Variants in TF observed in about 807,000 individuals in gnomAD.
The protein encoded by TF is serotransferrin.
In TF, 55 loss-of-function variants were observed where a neutral mutation model predicts 82.4. The ratio of observed to expected loss-of-function variants is 0.67; its 90% CI spans 0.54 to 0.84. The LOEUF (loss-of-function observed/expected upper bound fraction) is 0.84, where lower values mean the gene tolerates loss of function less well. TF is among the 40% of genes least tolerant of loss of function. The probability of loss-of-function intolerance (pLI) is 0.00; values close to 1 mark genes in which losing one functional copy is unlikely to be tolerated. For missense variants in TF, 737 were observed against 868.4 expected (o/e 0.85, Z 1.90); for synonymous variants, 332 against 332.6 (o/e 1.00, Z 0.02).
rs1339514763 is a variant in TF at position 133,781,687 on chromosome 3, G to A, written c.*3067G>A. Reference sequence around the variant, plus strand: ...TGAGACAGATAAGAAAAATTCTGATGAGAGTGGAAGAGCTCTTCCAGCTGT... The same window carrying A: ...TGAGACAGATAAGAAAAATTCTGATAAGAGTGGAAGAGCTCTTCCAGCTGT... On this transcript the variant is annotated 3_prime_UTR_variant, in exon 17 of 17. Transcript: ENST00000402696. 1.3e-5 allele frequency: 2 copies of A among 152,126 alleles called. No individual in the cohort carries two copies. The highest frequency in any genetic ancestry group is 2.9e-5 in the Non-Finnish European group (2 of 68,040). The allele number at this position is 152,126 out of a possible 1,614,324, so 9.4% of individuals were successfully genotyped here. A position where few individuals can be genotyped will look rare whatever the true frequency, so the allele number is the denominator to read the frequency against.
intron 2 of TF, among the ~76,000 whole-genome samples, chr3:133,750,886 G>T (rs1238069819): frequency 6.6e-6 from 1 of 152,128 alleles, no homozygotes; most frequent in Non-Finnish European, 1.5e-5. Flanking sequence ...CACCCTGTTT[G>T]CTTCATTTTT....
chr3:133,716,208 A>G, the TF span, among the ~76,000 whole-genome samples: 1 of 152,048 alleles, frequency 6.6e-6, no homozygotes, highest in African/African-American at 2.4e-5. Context: ...CTGTATGCTG[A>G]CAATTCCCAA....
chr3:133,755,238 C>G (rs1933791438), intron 4 of TF, 125 bp from the exon 5 acceptor site: 1 of 1,246,380 alleles, frequency 8.0e-7, no homozygotes, highest in Admixed American at 1.7e-5. Context: ...TAAGGGCAAG[C>G]TGGGGCTGCA....
chr3:133,675,993 C>A, the TF span, among the ~76,000 whole-genome samples: 1 of 152,034 alleles, frequency 6.6e-6, no homozygotes, highest in Non-Finnish European at 1.5e-5. Context: ...GATTTTTTCC[C>A]CCTGGGGCTT....
intron 1 of TF, chr3:133,747,247 C>G (rs1933527637): frequency 6.5e-6 from 1 of 153,684 alleles, no homozygotes; most frequent in Non-Finnish European, 1.4e-5. Context: ...CGTTACTTGC[C>G]TTTATCCCCG....
intron 11 of TF, among the ~76,000 whole-genome samples, chr3:133,765,844 C>A (rs1382532995): frequency 6.6e-6 from 1 of 152,126 alleles, no homozygotes; most frequent in Non-Finnish European, 1.5e-5. Flanking sequence ...ACTATATTCT[C>A]CTTATCAGAA....
intron 13 of TF, among the ~76,000 whole-genome samples, chr3:133,768,708 C>T (rs1335349442): frequency 6.6e-6 from 1 of 151,466 alleles, no homozygotes; most frequent in African/African-American, 2.4e-5. Context: ...GTACATGATT[C>T]CTAAATTCCT....
intron 14 of TF, chr3:133,773,376 T>G (rs1009520387): frequency 6.6e-6 from 1 of 152,170 alleles, no homozygotes. Context: ...TTGGCCAGGA[T>G]GGTCTCCATC....
chr3:133,697,482 C>T, the TF span, among the ~76,000 whole-genome samples: 2 of 152,204 alleles, frequency 1.3e-5, no homozygotes, highest in African/African-American at 4.8e-5. Context: ...TATTTGAAAA[C>T]ATCCTCACTT....
rs775480908 is a variant in TF at position 133,764,794 on chromosome 3, G to A, written c.1298-81G>A. Reference sequence around the variant, plus strand: ...TTTTCTCTGACTTTCTTTATTCTTAGCTGCAGCATAAAAAAAAGGCATGGT... The same window carrying A: ...TTTTCTCTGACTTTCTTTATTCTTAACTGCAGCATAAAAAAAAGGCATGGT... On this transcript the variant is annotated intron_variant, in intron 10 of 16. Transcript: ENST00000402696. 2.9e-6 allele frequency: 4 copies of A among 1,360,552 alleles called. No homozygotes were observed. The East Asian group carries it at 9.2e-5, about 31-fold the overall frequency. The allele number at this position is 1,360,552 out of a possible 1,614,324, so 84.3% of individuals were successfully genotyped here.
At chr3:133,699,450 C>A in the TF span, 1 of 1,233,858 alleles carries the variant, frequency 8.1e-7, no homozygotes, top group Non-Finnish European at 1.1e-6. Context: ...CCCAGAGAAC[C>A]TGGCAAACAA....
At chr3:133,733,975 G>C in the TF span, among the ~76,000 whole-genome samples, 2 of 152,178 alleles carry the variant, frequency 1.3e-5, no homozygotes, top group Admixed American at 6.5e-5. Flanking sequence ...GGAGGATCAG[G>C]AGGTTGTTTA....
chr3:133,764,879 C>T lies in TF; in HGVS notation c.1302C>T (p.Ser434=), dbSNP rs142542411. 3.9e-4 allele frequency: 632 copies of T among 1,613,808 alleles called. 6 individuals carry two copies. The South Asian group carries it at 4.1e-3, about 10-fold the overall frequency. ...TCATTTTCTTTTCTCCTGCAGAGAGCGATAATTGTGAGGATACACCAGAGG... is the reference window on the plus strand; with the variant it reads ...TCATTTTCTTTTCTCCTGCAGAGAGTGATAATTGTGAGGATACACCAGAGG... ...VPVLAENYNK[S]DNCEDTPEAG... The change falls in exon 11 of 17, where the codon AGC becomes AGT. Residue 434 remains serine, a synonymous_variant. Transcript: ENST00000402696.
chr3:133,727,641 T>C, the TF span, among the ~76,000 whole-genome samples: 3 of 117,282 alleles, frequency 2.6e-5, no homozygotes, highest in African/African-American at 9.9e-5. Flanking sequence ...AATTGGAGCA[T>C]TTAGTCCATT....
the TF span, among the ~76,000 whole-genome samples, chr3:133,683,654 A>G: frequency 6.6e-6 from 1 of 152,244 alleles, no homozygotes; most frequent in Non-Finnish European, 1.5e-5. Flanking sequence ...AGAGCTAACT[A>G]TCCTAAATAT....
At chr3:133,725,578 G>A in the TF span, among the ~76,000 whole-genome samples, 1 of 151,900 alleles carries the variant, frequency 6.6e-6, no homozygotes, top group African/African-American at 2.4e-5. Flanking sequence ...GGGTTTTCTA[G>A]ATATACAATC....
chr3:133,734,794 A>C, the TF span, among the ~76,000 whole-genome samples: 1 of 88,610 alleles, frequency 1.1e-5, no homozygotes, highest in Non-Finnish European at 2.3e-5. Context: ...ACCCAAATGG[A>C]GAGTTTCTTA....
At chr3:133,708,941 A>T in the TF span, among the ~76,000 whole-genome samples, 2 of 152,160 alleles carry the variant, frequency 1.3e-5, no homozygotes, top group Admixed American at 6.5e-5. Context: ...TGTTAACAAA[A>T]AGTGGACACT....
intron 2 of TF, 21 bp from the exon 3 acceptor site, chr3:133,753,574 G>A: frequency 6.2e-7 from 1 of 1,609,614 alleles, no homozygotes; most frequent in East Asian, 2.2e-5. Flanking sequence ...CTTCATCCAG[G>A]ACTGGCCTGT....
Sources: allele counts gnomAD v4.1 joint callset (sites outside exome capture counted in the v4.1 genomes callset), GRCh38; gene constraint gnomAD v4.1.1; transcripts MANE v1.5; gene names NCBI Gene and HGNC (gene_info 2026-07-23, HGNC 2026-07-21).